PCDHGB4: variants seen among roughly 807,000 people sequenced by gnomAD.
PCDHGB4 encodes the protein protocadherin gamma subfamily B, 4, also known as protocadherin gamma-B4.
In PCDHGB4, 38 loss-of-function variants were observed where a neutral mutation model predicts 60.5. The ratio of observed to expected loss-of-function variants is 0.63; its 90% CI spans 0.48 to 0.82. The LOEUF (loss-of-function observed/expected upper bound fraction) is 0.82, where lower values mean the gene tolerates loss of function less well. Among genes scored for constraint, PCDHGB4 ranks in the 40% least tolerant of loss-of-function variants. The pLI is 0.00. For synonymous variants in PCDHGB4, 456 were observed against 509.7 expected, an observed-to-expected ratio of 0.89 and a Z score of 1.42; for missense variants, 1,109 against 1,209.6, an observed-to-expected ratio of 0.92 and a Z score of 1.23.
At position 141,392,949 on chromosome 5, in the gene PCDHGB4, G is replaced by A. The variant is rs747367099; in HGVS notation, c.2397+2668G>A. On this transcript the variant is annotated intron_variant, in intron 1 of 3. Transcript: ENST00000519479. ...AGAGACGGACAAAGGCTCCTTCGTG[G>A]GTAATATCTCCAAGGACCTGGGGCT... The A allele has an allele frequency of 5.6e-6, 9 of 1,613,906 alleles. No homozygotes were observed. In the South Asian group the frequency reaches 8.8e-5, roughly 16 times the overall value.
chr5:141,509,873 G>C (rs2099878704), intron 3 of PCDHGB4, among the ~76,000 whole-genome samples: 1 of 152,196 alleles, frequency 6.6e-6, no homozygotes, highest in South Asian at 2.1e-4. Flanking sequence ...CAAGCTGCTG[G>C]TGGTGATGGT....
At chr5:141,506,669 A>C (rs1293213848) in intron 3 of PCDHGB4, among the ~76,000 whole-genome samples, 1 of 152,198 alleles carries the variant, frequency 6.6e-6, no homozygotes, top group African/African-American at 2.4e-5. Flanking sequence ...GTAAGGGCAC[A>C]ATATATTATT....
At chr5:141,413,931 A>T (rs776911095) in intron 1 of PCDHGB4, 1 of 1,613,254 alleles carries the variant, frequency 6.2e-7, no homozygotes, top group Non-Finnish European at 8.5e-7. Flanking sequence ...CAGAATACCG[A>T]GTGAGTGTTC....
At chr5:141,427,198 T>G (rs1345851173) in intron 1 of PCDHGB4, 1 of 456,584 alleles carries the variant, frequency 2.2e-6, no homozygotes, top group African/African-American at 2.0e-5. Flanking sequence ...AAAGACTTAA[T>G]AGACTTCGAA....
chr5:141,432,374 C>T lies in PCDHGB4; in HGVS notation c.2397+42093C>T. The T allele has an allele frequency of 6.2e-7, 1 of 1,614,240 alleles. No individual in the cohort carries two copies. The highest frequency in any genetic ancestry group is 1.1e-5 in the South Asian group (1 of 91,082). ...GAAAGTGATGGCGCGGGACAACGGG[C>T]ACCCGCCCCTCAGCAGCAACGTGTC... On this transcript the variant is annotated intron_variant, in intron 1 of 3. Transcript: ENST00000519479. The surrounding 1 kb of genome is among the most constrained non-coding windows in gnomAD (Gnocchi z 6.0).
At chr5:141,499,966 G>A (rs1403177792) in intron 2 of PCDHGB4, among the ~76,000 whole-genome samples, 1 of 151,988 alleles carries the variant, frequency 6.6e-6, no homozygotes, top group African/African-American at 2.4e-5. Flanking sequence ...GGGATTACAG[G>A]TGTGAGCCAC....
At chr5:141,470,552 T>G (rs1303190360) in intron 1 of PCDHGB4, among the ~76,000 whole-genome samples, 1 of 151,966 alleles carries the variant, frequency 6.6e-6, no homozygotes, top group East Asian at 1.9e-4. Flanking sequence ...TTATTGAGAG[T>G]TTCCTCTGTG....
chr5:141,419,269 C>G (rs1456612499), intron 1 of PCDHGB4: 1 of 1,614,034 alleles, frequency 6.2e-7, no homozygotes, highest in Admixed American at 1.7e-5. Flanking sequence ...CGGGTGCCTC[C>G]ATAGCGCAAG....
chr5:141,487,031 G>A lies in PCDHGB4; in HGVS notation c.2398-7776G>A, dbSNP rs749130369. 1.2e-6 allele frequency: 2 copies of A among 1,614,182 alleles called. No homozygotes were observed. Among genetic ancestry groups the A allele is most frequent in the Non-Finnish European group, 1.7e-6 (2 of 1,180,028 alleles). On this transcript the variant is annotated intron_variant, in intron 1 of 3. Coordinates refer to ENST00000519479, the MANE Select transcript of PCDHGB4 (RefSeq NM_003736.4). The surrounding 1 kb of genome is among the most constrained non-coding windows in gnomAD (Gnocchi z 5.0). ...GGAGGCCCCAGATCCCAGCCTGTTT[G>A]CAGTCTCTCGATATGCTGGGGAGGT...
At chr5:141,415,502 A>C (rs1162629839) in intron 1 of PCDHGB4, 6 of 1,614,086 alleles carry the variant, frequency 3.7e-6, no homozygotes, top group Admixed American at 1.7e-5. Flanking sequence ...ATCTTCCCCC[A>C]GCCCAATTAT....
chr5:141,411,573 GA>G (rs2095500797), intron 1 of PCDHGB4: 1 of 152,244 alleles, frequency 6.6e-6, no homozygotes, highest in Middle Eastern at 3.4e-3. Flanking sequence ...GACAGAGTGC[GA>G]CCCTGTCTCT....
chr5:141,507,846 T>G (rs892503210), intron 3 of PCDHGB4, among the ~76,000 whole-genome samples: 1 of 152,134 alleles, frequency 6.6e-6, no homozygotes, highest in African/African-American at 2.4e-5. Context: ...CAGGCCCTGC[T>G]CTCACTTTCA....
At chr5:141,405,038 G>T in intron 1 of PCDHGB4, 1 of 1,613,964 alleles carries the variant, frequency 6.2e-7, no homozygotes, top group Non-Finnish European at 8.5e-7. Flanking sequence ...CCTCGTTGTG[G>T]CTGTGGCAGT....
intron 1 of PCDHGB4, among the ~76,000 whole-genome samples, chr5:141,451,875 T>C (rs747595781): frequency 5.9e-5 from 9 of 151,594 alleles, no homozygotes; most frequent in Non-Finnish European, 1.3e-4. Context: ...AATGAAACCC[T>C]GTCAAGAAAG....
In PCDHGB4 at chr5:141,477,442, A is replaced by G; in HGVS notation, c.2398-17365A>G. The G allele has an allele frequency of 6.2e-7, 1 of 1,614,132 alleles. No individual in the cohort carries two copies. Among genetic ancestry groups the G allele is most frequent in the Non-Finnish European group, 8.5e-7 (1 of 1,180,022 alleles). ...CCCCTTCCCTCTCAGCCCTTACAAT[A>G]GTGCGTGTTCAAGTGTCCGACATCA... On this transcript the variant is annotated intron_variant, in intron 1 of 3. Coordinates refer to ENST00000519479, the MANE Select transcript of PCDHGB4 (RefSeq NM_003736.4). This position sits in a 1 kb window ranked among gnomAD's most constrained non-coding sequence, Gnocchi z 4.9.
rs1424346887 is a variant in PCDHGB4, at chr5:141,489,602, T to C, written c.2398-5205T>C. ...CCCCTGGAGCTAATCCGTGTAGAGG[T>C]AGAGATCCTGGATCTCAATGACAAC... On this transcript the variant is annotated intron_variant, in intron 1 of 3. Coordinates refer to ENST00000519479, the MANE Select transcript of PCDHGB4 (RefSeq NM_003736.4). The surrounding 1 kb of genome is among the most constrained non-coding windows in gnomAD (Gnocchi z 4.5). The C allele has an allele frequency of 5.6e-6, 9 of 1,613,754 alleles. No homozygotes were observed. In the African/African-American group the frequency reaches 6.7e-5, roughly 12 times the overall value.
At chr5:141,442,033 G>T (rs2098292928) in intron 1 of PCDHGB4, 1 of 209,534 alleles carries the variant, frequency 4.8e-6, no homozygotes, top group Non-Finnish European at 9.8e-6. Context: ...AAAGCGACTC[G>T]CCAGCGCCTA....
chr5:141,410,065 G>C, intron 1 of PCDHGB4: 1 of 1,612,938 alleles, frequency 6.2e-7, no homozygotes, highest in South Asian at 1.1e-5. Context: ...GCCTGGGGCT[G>C]CGCACTGGGG....
chr5:141,393,527 T>C, intron 1 of PCDHGB4: 2 of 1,613,990 alleles, frequency 1.2e-6, no homozygotes, highest in South Asian at 1.1e-5. Context: ...CAAATGACAA[T>C]GCCCCGGTTT....
Sources: allele counts gnomAD v4.1 joint callset (sites outside exome capture counted in the v4.1 genomes callset), GRCh38; gene constraint gnomAD v4.1.1; non-coding constraint Gnocchi (gnomAD v3.1); transcripts MANE v1.5; gene names NCBI Gene and HGNC (gene_info 2026-07-23, HGNC 2026-07-21).